STIMATE: variants seen among roughly 807,000 people sequenced by gnomAD.
STIMATE encodes the protein store-operated calcium entry regulator STIMATE.
A neutral mutation model predicts 36.7 loss-of-function variants in STIMATE; 15 were observed. The ratio of observed to expected loss-of-function variants is 0.41; its 90% CI spans 0.27 to 0.63. STIMATE has a LOEUF of 0.63. Ranked by LOEUF, STIMATE falls within the 20% of genes least tolerant of loss-of-function variation. STIMATE has a pLI of 0.32. For synonymous variants in STIMATE, 163 were observed against 162.3 expected (o/e 1.00, Z -0.03); for missense variants, 305 against 397.3 (o/e 0.77, Z 1.98).
At chr3:52,841,291 C>T (rs1445751032) in intron 7 of STIMATE, among the ~76,000 whole-genome samples, 1 of 152,262 alleles carries the variant, frequency 6.6e-6, no homozygotes, top group Non-Finnish European at 1.5e-5. Context: ...GCCTTAAATA[C>T]TGCAGAGGCA....
At chr3:52,883,336 T>C (rs940096700) in intron 1 of STIMATE, among the ~76,000 whole-genome samples, 1 of 152,246 alleles carries the variant, frequency 6.6e-6, no homozygotes, top group Non-Finnish European at 1.5e-5. Flanking sequence ...TCTCTGTATA[T>C]AATGTCTTCT....
intron 1 of STIMATE, 73 bp downstream of exon 1, chr3:52,897,218 G>A: frequency 3.3e-6 from 5 of 1,507,308 alleles, no homozygotes; most frequent in Non-Finnish European, 4.4e-6. Flanking sequence ...CTCCGCGCAG[G>A]AGGGGCCCCC....
intron 7 of STIMATE, among the ~76,000 whole-genome samples, chr3:52,841,965 A>G (rs898138274): frequency 2.0e-5 from 3 of 152,186 alleles, no homozygotes; most frequent in African/African-American, 7.2e-5. Context: ...TAGAGAAGAC[A>G]CGGCTTCCCC....
At chr3:52,861,412 C>T (rs1435494165) in intron 1 of STIMATE, among the ~76,000 whole-genome samples, 1 of 152,182 alleles carries the variant, frequency 6.6e-6, no homozygotes, top group Non-Finnish European at 1.5e-5. Flanking sequence ...GTACAGGTGT[C>T]CTGAAGACAG....
chr3:52,873,725 A>G (rs1701450116), intron 1 of STIMATE, among the ~76,000 whole-genome samples: 1 of 152,150 alleles, frequency 6.6e-6, no homozygotes. Flanking sequence ...AGTACTTGCT[A>G]ATGAGGGCTT....
chr3:52,877,636 A>G (rs1242267614), intron 1 of STIMATE, among the ~76,000 whole-genome samples: 7 of 152,108 alleles, frequency 4.6e-5, no homozygotes, highest in African/African-American at 1.4e-4. Context: ...TATTTTCCCA[A>G]TTCTAATAAC....
intron 1 of STIMATE, among the ~76,000 whole-genome samples, chr3:52,881,296 A>G (rs1410835130): frequency 6.6e-6 from 1 of 152,116 alleles, no homozygotes. Flanking sequence ...AAAATGTGGA[A>G]AAAAAAAGAA....
chr3:52,840,415 T>G lies in STIMATE; in HGVS notation c.*79A>C, dbSNP rs1578795064. On this transcript the variant is annotated 3_prime_UTR_variant, in exon 8 of 8. Transcript: ENST00000355083. The stretch of plus-strand genomic sequence containing the variant: ...GTAGAAAGGAAGGGCAGAGAGAGGG[T>G]AAGGAACGATGCTGCGGGATGACCT... 2 of 1,464,322 alleles carry G rather than the reference T, an allele frequency of 1.4e-6. No homozygotes were observed. The highest frequency in any genetic ancestry group is 9.4e-7 in the Non-Finnish European group (1 of 1,065,190). 90.7% of individuals were successfully genotyped at this position (1,464,322 alleles called of 1,614,324 possible).
chr3:52,845,449 T>G (rs535805021), intron 4 of STIMATE, among the ~76,000 whole-genome samples: 1 of 150,500 alleles, frequency 6.6e-6, no homozygotes, highest in African/African-American at 2.4e-5. Flanking sequence ...CCCCGGGCCA[T>G]CCCTGATACC....
chr3:52,890,710 G>A (rs1332316273), intron 1 of STIMATE, among the ~76,000 whole-genome samples: 1 of 152,234 alleles, frequency 6.6e-6, no homozygotes, highest in Admixed American at 6.5e-5. Context: ...ATTCTTCTGG[G>A]TAAACCTCAA....
At chr3:52,895,975 T>C (rs1701858667) in intron 1 of STIMATE, 1 of 1,288,346 alleles carries the variant, frequency 7.8e-7, no homozygotes, top group Non-Finnish European at 1.0e-6. Context: ...CAAGTGGGTA[T>C]TTGTTTAGCA....
chr3:52,896,038 T>C (rs937107240), intron 1 of STIMATE: 17 of 943,944 alleles, frequency 1.8e-5, no homozygotes, highest in African/African-American at 8.5e-5. Context: ...GTGGCAAACA[T>C]AGACAGTTGG....
At chr3:52,850,668 G>A (rs941593880) in intron 3 of STIMATE, among the ~76,000 whole-genome samples, 2 of 152,204 alleles carry the variant, frequency 1.3e-5, no homozygotes, top group African/African-American at 4.8e-5. Context: ...CAGACAAAGA[G>A]GACAGGGCAA....
rs550616631 is a variant in STIMATE, at chr3:52,897,273, G to C, written c.160+18C>G. ...TGCCGCGCAGGGCCTCCGGAGGGTC[G>C]GGGGGTCCCAGACTCACGCATTAAC... On this transcript the variant is annotated intron_variant, in intron 1 of 7. Transcript: ENST00000355083. 1.3e-6 allele frequency: 2 copies of C among 1,534,970 alleles called. No homozygotes were observed. Among genetic ancestry groups the C allele is most frequent in the Non-Finnish European group, 1.7e-6 (2 of 1,146,710 alleles).
At chr3:52,855,065 G>A (rs1052847913) in intron 2 of STIMATE, among the ~76,000 whole-genome samples, 3 of 152,114 alleles carry the variant, frequency 2.0e-5, no homozygotes, top group African/African-American at 7.2e-5. Context: ...ACAGAATCCA[G>A]GAATTTAAAC....
At chr3:52,865,774 TGGC>T (rs1701297504) in intron 1 of STIMATE, among the ~76,000 whole-genome samples, 1 of 152,234 alleles carries the variant, frequency 6.6e-6, no homozygotes, top group South Asian at 2.1e-4. Flanking sequence ...GTCTCCCTTC[TGGC>T]TGACATCCCA....
intron 1 of STIMATE, among the ~76,000 whole-genome samples, chr3:52,888,541 T>C (rs1171065285): frequency 6.6e-6 from 1 of 152,226 alleles, no homozygotes; most frequent in Non-Finnish European, 1.5e-5. Context: ...GTTTCAACTA[T>C]TCCTATAGGA....
chr3:52,855,425 T>C lies in STIMATE; in HGVS notation c.180A>G (p.Pro60=). The C allele has an allele frequency of 6.2e-7, 1 of 1,614,140 alleles. No homozygotes were observed. Among genetic ancestry groups the C allele is most frequent in the African/African-American group, 1.3e-5 (1 of 75,022 alleles). ...STLMLKRFRE[P]KHERRPWRIW... The stretch of plus-strand genomic sequence containing the variant: ...TCCTCCACGGACGTCTTTCATGCTT[T>C]GGTTCTCTGAAGCGTTTGACTGAAA... The change falls in exon 2 of 8, where the codon CCA becomes CCG. Residue 60 remains proline (P), a synonymous_variant. Transcript: ENST00000355083.
intron 1 of STIMATE, among the ~76,000 whole-genome samples, chr3:52,879,639 C>A (rs1295829473): frequency 4.6e-5 from 7 of 152,228 alleles, no homozygotes; most frequent in African/African-American, 1.7e-4. Context: ...TTCCTCAACT[C>A]CCAATGCTCA....
Sources: allele counts gnomAD v4.1 joint callset (sites outside exome capture counted in the v4.1 genomes callset), GRCh38; gene constraint gnomAD v4.1.1; transcripts MANE v1.5; gene names NCBI Gene and HGNC (gene_info 2026-07-23, HGNC 2026-07-21).